Variants in SPOCK1 observed in about 807,000 individuals in gnomAD.
SPOCK1 encodes testican-1.
Under a neutral mutation model 55.3 loss-of-function variants are expected in SPOCK1, and 23 were observed. That is an observed-to-expected ratio of 0.42 (90% CI 0.30 to 0.59). The LOEUF (loss-of-function observed/expected upper bound fraction) is 0.59. Among genes scored for constraint, SPOCK1 ranks in the 20% least tolerant of loss-of-function variants. SPOCK1 has a pLI of 0.22. For missense variants in SPOCK1, 499 were observed against 552.5 expected (o/e 0.90, Z 0.97); for synonymous variants, 226 against 221.0 (o/e 1.02, Z -0.20).
chr5:137,267,184 C>T (rs1756873631), intron 2 of SPOCK1, 129 bp from the exon 3 acceptor site: 2 of 699,154 alleles, frequency 2.9e-6, no homozygotes, highest in Non-Finnish European at 4.9e-6. Flanking sequence ...GAAATTTTTC[C>T]CAAAACAGGC....
chr5:137,451,475 C>T (rs1393786199), intron 2 of SPOCK1, among the ~76,000 whole-genome samples: 1 of 152,150 alleles, frequency 6.6e-6, no homozygotes, highest in Non-Finnish European at 1.5e-5. Flanking sequence ...TGACAATAAA[C>T]ACCAACAGAA....
chr5:137,376,493 T>G (rs551080784), intron 2 of SPOCK1, among the ~76,000 whole-genome samples: 12 of 152,326 alleles, frequency 7.9e-5, no homozygotes, highest in African/African-American at 2.6e-4. Context: ...TGAAATGCAG[T>G]TCAGCAATTA....
chr5:137,380,228 A>T (rs1751433781), intron 2 of SPOCK1, among the ~76,000 whole-genome samples: 1 of 152,222 alleles, frequency 6.6e-6, no homozygotes, highest in Admixed American at 6.5e-5. Context: ...GGGAAAGGTG[A>T]TGTGACAGGT....
chr5:137,131,540 G>A (rs1339544754), intron 4 of SPOCK1, among the ~76,000 whole-genome samples: 1 of 151,832 alleles, frequency 6.6e-6, no homozygotes, highest in Non-Finnish European at 1.5e-5. Context: ...CCCGGGAGGT[G>A]GAAGTTGCAG....
At chr5:137,212,462 T>C (rs947292378) in intron 3 of SPOCK1, among the ~76,000 whole-genome samples, 9 of 152,338 alleles carry the variant, frequency 5.9e-5, no homozygotes, top group African/African-American at 1.9e-4. Flanking sequence ...TAAACCATAA[T>C]TCTTTCCAGA....
chr5:137,492,435 C>A (rs1322642096), intron 2 of SPOCK1, among the ~76,000 whole-genome samples: 1 of 152,220 alleles, frequency 6.6e-6, no homozygotes, highest in Non-Finnish European at 1.5e-5. Flanking sequence ...ATGAGACACA[C>A]ACAAACCCCT....
At chr5:137,086,207 T>C (rs562465959) in intron 5 of SPOCK1, among the ~76,000 whole-genome samples, 1 of 152,210 alleles carries the variant, frequency 6.6e-6, no homozygotes, top group African/African-American at 2.4e-5. Context: ...CCTCCCTGCA[T>C]CTCTCACTGC....
chr5:137,213,587 C>A (rs1222862888), intron 3 of SPOCK1, among the ~76,000 whole-genome samples: 1 of 151,326 alleles, frequency 6.6e-6, no homozygotes, highest in Non-Finnish European at 1.5e-5. Flanking sequence ...CGCAAGAGCA[C>A]TAGATTAGGA....
chr5:137,257,764 TC>T (rs1312639583), intron 3 of SPOCK1, among the ~76,000 whole-genome samples: 1 of 152,180 alleles, frequency 6.6e-6, no homozygotes, highest in Non-Finnish European at 1.5e-5. Flanking sequence ...TCTTCTAGGA[TC>T]CTTTTCCTGA....
intron 2 of SPOCK1, among the ~76,000 whole-genome samples, chr5:137,352,411 G>T (rs933588527): frequency 3.3e-5 from 5 of 152,244 alleles, no homozygotes; most frequent in Non-Finnish European, 7.3e-5. Context: ...CCTCAAGGTG[G>T]TTATAACGCG....
intron 2 of SPOCK1, among the ~76,000 whole-genome samples, chr5:137,292,484 A>C (rs2127131611): frequency 7.6e-6 from 1 of 132,070 alleles, no homozygotes; most frequent in Admixed American, 7.9e-5. Context: ...TGGAGGAGCC[A>C]GACCAAAATG....
intron 6 of SPOCK1, among the ~76,000 whole-genome samples, chr5:137,035,125 C>T (rs1264115657): frequency 1.3e-5 from 2 of 152,188 alleles, no homozygotes; most frequent in Non-Finnish European, 2.9e-5. Flanking sequence ...AAGTTAGCAC[C>T]TGAATTTAAA....
intron 2 of SPOCK1, among the ~76,000 whole-genome samples, chr5:137,438,802 G>A (rs921625335): frequency 6.6e-6 from 1 of 152,214 alleles, no homozygotes; most frequent in African/African-American, 2.4e-5. Context: ...AGAGCAGTAG[G>A]AGGTAGACTA....
intron 6 of SPOCK1, among the ~76,000 whole-genome samples, chr5:137,062,774 T>A (rs963826378): frequency 1.3e-5 from 2 of 152,012 alleles, no homozygotes; most frequent in Non-Finnish European, 2.9e-5. Context: ...ACGCAGAGAT[T>A]TCAATTTCAT....
intron 4 of SPOCK1, among the ~76,000 whole-genome samples, chr5:137,131,897 G>A (rs1161235512): frequency 4.9e-5 from 7 of 142,128 alleles, no homozygotes; most frequent in African/African-American, 7.9e-5. Flanking sequence ...GCGTGAACCC[G>A]GGAGGCGGAG....
intron 2 of SPOCK1, among the ~76,000 whole-genome samples, chr5:137,459,789 T>C (rs888277073): frequency 3.3e-5 from 5 of 152,232 alleles, no homozygotes; most frequent in Admixed American, 2.0e-4. Context: ...AGACAAAGAC[T>C]GTAAGCACTA....
intron 2 of SPOCK1, among the ~76,000 whole-genome samples, chr5:137,280,684 G>C (rs1293694359): frequency 6.6e-6 from 1 of 152,162 alleles, no homozygotes; most frequent in African/African-American, 2.4e-5. Context: ...AGAATCTCTT[G>C]AACAAATTAC....
chr5:136,984,825 C>T (rs1037637421), intron 9 of SPOCK1, among the ~76,000 whole-genome samples: 1 of 152,182 alleles, frequency 6.6e-6, no homozygotes, highest in Non-Finnish European at 1.5e-5. Flanking sequence ...CTTGAGAGCA[C>T]CATTCAATGA....
At chr5:137,080,343 T>C (rs750170665) in intron 5 of SPOCK1, among the ~76,000 whole-genome samples, 37 of 152,318 alleles carry the variant, frequency 2.4e-4, no homozygotes, top group Admixed American at 5.9e-4. Context: ...CAAGTCAAAA[T>C]GTTTTCTGAT....
Sources: gnomAD v4.1 joint callset for allele counts (sites outside exome capture counted in the v4.1 genomes callset) on GRCh38, gnomAD v4.1.1 for gene constraint, MANE v1.5 for transcripts, NCBI Gene and HGNC (gene_info 2026-07-23, HGNC 2026-07-21) for gene names.